Variants in KAZN observed in about 807,000 individuals in gnomAD.
The protein encoded by KAZN is kazrin, periplakin interacting protein, also known as kazrin.
Under a neutral mutation model 87.4 loss-of-function variants are expected in KAZN, and 40 were observed. That is an observed-to-expected ratio of 0.46 (90% CI 0.36 to 0.60). The LOEUF (loss-of-function observed/expected upper bound fraction) is 0.60. Ranked by LOEUF, KAZN falls within the 20% of genes least tolerant of loss-of-function variation. The pLI, the probability that KAZN is intolerant of heterozygous loss-of-function variation, is 0.00. For synonymous variants in KAZN, 466 were observed against 458.3 expected, an observed-to-expected ratio of 1.02 and a Z score of -0.22; for missense variants, 898 against 1,073.9, an observed-to-expected ratio of 0.84 and a Z score of 2.29.
chr1:15,026,820 A>G (rs2102198658), intron 2 of KAZN, among the ~76,000 whole-genome samples: 1 of 152,348 alleles, frequency 6.6e-6, no homozygotes, highest in East Asian at 1.9e-4. Flanking sequence ...AACTACTTAC[A>G]TAGCATCTAC....
exon 1 of KAZN, chr1:13,893,347 C>G: frequency 4.3e-6 from 1 of 231,770 alleles, no homozygotes; most frequent in Non-Finnish European, 8.3e-6. Flanking sequence ...CAAGTTCCAG[C>G]CACCCTTCCG....
chr1:14,483,574 G>C (rs1470140683), intron 2 of KAZN, among the ~76,000 whole-genome samples: 1 of 152,200 alleles, frequency 6.6e-6, no homozygotes, highest in Non-Finnish European at 1.5e-5. Context: ...CATGCCAAGG[G>C]AACAGAGTCT....
At chr1:14,163,993 A>C (rs2100218402) in intron 1 of KAZN, among the ~76,000 whole-genome samples, 1 of 152,070 alleles carries the variant, frequency 6.6e-6, no homozygotes, top group Non-Finnish European at 1.5e-5. Context: ...TTTTGCTGAT[A>C]CTCTTCTCTG....
At chr1:15,047,914 G>T (rs1673757895) in intron 4 of KAZN, among the ~76,000 whole-genome samples, 2 of 152,222 alleles carry the variant, frequency 1.3e-5, no homozygotes, top group Admixed American at 1.3e-4. Flanking sequence ...CATGCAGTGT[G>T]CCCTGTGGCC....
intron 2 of KAZN, among the ~76,000 whole-genome samples, chr1:14,479,001 C>A (rs956729490): frequency 6.6e-6 from 1 of 152,230 alleles, no homozygotes; most frequent in Admixed American, 6.5e-5. Context: ...AGTTGAGACT[C>A]CTGGGAGCTT....
intron 1 of KAZN, among the ~76,000 whole-genome samples, chr1:14,079,824 T>A (rs1292132204): frequency 2.6e-5 from 4 of 152,162 alleles, no homozygotes; most frequent in Non-Finnish European, 4.4e-5. Flanking sequence ...ATTCAATACT[T>A]GGGCTGGCAC....
chr1:15,046,933 C>T (rs1673617624), intron 4 of KAZN, among the ~76,000 whole-genome samples: 1 of 152,200 alleles, frequency 6.6e-6, no homozygotes, highest in African/African-American at 2.4e-5. Flanking sequence ...CCTTGGAGTC[C>T]TGGCCTTAGG....
chr1:14,765,658 G>T (rs147882768), intron 1 of KAZN, among the ~76,000 whole-genome samples: 1 of 152,152 alleles, frequency 6.6e-6, no homozygotes, highest in Non-Finnish European at 1.5e-5. Context: ...AAGGAGTGTT[G>T]GTAGAAAGAG....
At chr1:14,641,075 G>A (rs1247711202) in intron 1 of KAZN, among the ~76,000 whole-genome samples, 1 of 152,176 alleles carries the variant, frequency 6.6e-6, no homozygotes, top group Non-Finnish European at 1.5e-5. Flanking sequence ...GAAGTCCTGG[G>A]TCATTCATTT....
At chr1:14,030,662 A>G (rs1641286328) in intron 1 of KAZN, among the ~76,000 whole-genome samples, 2 of 151,652 alleles carry the variant, frequency 1.3e-5, no homozygotes, top group South Asian at 4.2e-4. Context: ...ACACACACAC[A>G]CACACACACA....
At chr1:14,142,015 G>T (rs926753727) in intron 1 of KAZN, among the ~76,000 whole-genome samples, 1 of 151,846 alleles carries the variant, frequency 6.6e-6, no homozygotes, top group Non-Finnish European at 1.5e-5. Context: ...CATTTTTGAT[G>T]GGAAATCCGT....
intron 1 of KAZN, among the ~76,000 whole-genome samples, chr1:13,950,812 G>T (rs1042591465): frequency 2.0e-5 from 3 of 152,150 alleles, no homozygotes; most frequent in Admixed American, 6.5e-5. Flanking sequence ...AGGTCAAGGG[G>T]GTTCAAGGAT....
chr1:15,092,060 G>GTTTTTTTTTTTTTTGTT (rs57460680), intron 8 of KAZN, among the ~76,000 whole-genome samples: 1 of 114,442 alleles, frequency 8.7e-6, no homozygotes, highest in Non-Finnish European at 1.8e-5. Flanking sequence ...TTGTTTTTTT[G>GTTTTTTTTTTTTTTGTT]TTTTTTTTTT....
intron 1 of KAZN, among the ~76,000 whole-genome samples, chr1:14,113,974 G>A (rs1439188067): frequency 2.6e-5 from 4 of 152,216 alleles, no homozygotes; most frequent in Non-Finnish European, 5.9e-5. Flanking sequence ...GAAGGGAAAA[G>A]CTCAGTGGTG....
At chr1:14,369,216 TTGTG>T (rs1170474494) in intron 2 of KAZN, among the ~76,000 whole-genome samples, 2 of 152,138 alleles carry the variant, frequency 1.3e-5, no homozygotes, top group South Asian at 2.1e-4. Flanking sequence ...GTTCTCGATT[TTGTG>T]TGTGTGTGTG....
At chr1:14,367,849 C>T (rs1342387158) in intron 2 of KAZN, among the ~76,000 whole-genome samples, 1 of 152,164 alleles carries the variant, frequency 6.6e-6, no homozygotes, top group Admixed American at 6.5e-5. Flanking sequence ...TCAATGTAGT[C>T]CCTAAGTGCT....
chr1:14,482,143 C>T (rs187431734), intron 2 of KAZN, among the ~76,000 whole-genome samples: 1 of 152,296 alleles, frequency 6.6e-6, no homozygotes, highest in Admixed American at 6.5e-5. Flanking sequence ...AGGAAGAAGG[C>T]CACCTCCGGG....
At chr1:14,085,708 C>G (rs1643833100) in intron 1 of KAZN, among the ~76,000 whole-genome samples, 1 of 152,102 alleles carries the variant, frequency 6.6e-6, no homozygotes, top group South Asian at 2.1e-4. Flanking sequence ...AATAAAGTTA[C>G]TATAAACATT....
rs553019106 is a variant in KAZN, at chr1:14,566,299, C to CT, written c.250-32677dup. On this transcript the variant is annotated intron_variant, in intron 2 of 16. Transcript: ENST00000636203. Reference sequence around the variant, plus strand: ...ACGACCAGTAATATTTTGAGAGAATCTTTTTTTCTAAGCAGTAGGTCTCAA... The same window carrying CT: ...ACGACCAGTAATATTTTGAGAGAATCTTTTTTTTCTAAGCAGTAGGTCTCAA... Among the ~76,000 whole-genome samples, 50 of 152,298 alleles carry CT rather than the reference C, an allele frequency of 3.3e-4. No individual in the cohort carries two copies. The East Asian group carries it at 9.6e-3, about 29-fold the overall frequency.
Sources: gnomAD v4.1 joint callset for allele counts (sites outside exome capture counted in the v4.1 genomes callset) on GRCh38, gnomAD v4.1.1 for gene constraint, MANE v1.5 for transcripts, NCBI Gene and HGNC (gene_info 2026-07-23, HGNC 2026-07-21) for gene names.